Variants in COL15A1 observed in about 807,000 individuals in gnomAD.
COL15A1 encodes collagen type XV alpha 1 chain.
A neutral mutation model predicts 165.9 loss-of-function variants in COL15A1; 111 were observed. The ratio of observed to expected loss-of-function variants is 0.67; its 90% CI spans 0.57 to 0.78. The LOEUF (loss-of-function observed/expected upper bound fraction) is 0.78. Ranked by LOEUF, COL15A1 falls within the 30% of genes least tolerant of loss-of-function variation. COL15A1 has a pLI of 0.00. For missense variants in COL15A1, 1,745 were observed against 1,789.7 expected (o/e 0.98, Z 0.45); for synonymous variants, 659 against 674.8 (o/e 0.98, Z 0.36).
At chr9:99,021,736 G>A (rs1485909172) in intron 12 of COL15A1, among the ~76,000 whole-genome samples, 2 of 152,180 alleles carry the variant, frequency 1.3e-5, no homozygotes, top group East Asian at 1.9e-4. Flanking sequence ...GGTGGGCAGG[G>A]CAGGCTTCAG....
At position 98,989,808 on chromosome 9, in the gene COL15A1, G is replaced by A. The variant is rs550305595; in HGVS notation, c.804+550G>A. The stretch of plus-strand genomic sequence containing the variant: ...GTCCTCCAGGGAGCTCACTTCTGAC[G>A]CATGGGAAAGGCAATCCTAACTTCC... On this transcript the variant is annotated intron_variant, in intron 5 of 41. Coordinates refer to ENST00000375001, the MANE Select transcript of COL15A1 (RefSeq NM_001855.5). Among the ~76,000 whole-genome samples, 148 of 152,298 alleles carry A rather than the reference G, an allele frequency of 9.7e-4. 5 individuals are homozygous for A. The South Asian group carries it at 0.028, about 29-fold the overall frequency.
chr9:99,054,580 TA>T lies in COL15A1; in HGVS notation c.2958del (p.Gly987GlufsTer30), dbSNP rs781731603. ...CATGTATGTGTTTGGTGGCAGGTGT[TA>T]AAGGAGAGAAAGGATCCTGGGGTCT... ...SPELITFHGV[K>X]GEKGSWGLPG... On this transcript the variant is annotated frameshift_variant, in exon 32 of 42. Transcript: ENST00000375001. LOFTEE classifies it high-confidence loss of function. 1.2e-6 allele frequency: 2 copies of T among 1,610,860 alleles called. No individual in the cohort carries two copies. Among genetic ancestry groups the T allele is most frequent in the South Asian group, 2.2e-5 (2 of 90,510 alleles).
intron 16 of COL15A1, among the ~76,000 whole-genome samples, chr9:99,030,974 G>T (rs1006551175): frequency 6.6e-6 from 1 of 152,226 alleles, no homozygotes; most frequent in Non-Finnish European, 1.5e-5. Flanking sequence ...TCCACTGCAG[G>T]TGGAAGGTCA....
chr9:99,035,453 G>T (rs765839167), intron 19 of COL15A1, 35 bp downstream of exon 19: 1 of 1,611,794 alleles, frequency 6.2e-7, no homozygotes. Flanking sequence ...TATGAGGGTT[G>T]TCACACTGTC....
chr9:99,007,105 A>G (rs1838776056), intron 9 of COL15A1, among the ~76,000 whole-genome samples: 1 of 152,218 alleles, frequency 6.6e-6, no homozygotes, highest in Non-Finnish European at 1.5e-5. Context: ...GGGGGCTTCC[A>G]TGTCATAGGT....
chr9:99,024,320 G>A (rs1389340045), intron 14 of COL15A1, among the ~76,000 whole-genome samples: 10 of 128,446 alleles, frequency 7.8e-5, no homozygotes, highest in Non-Finnish European at 6.5e-5. Context: ...TTGCTCTGTC[G>A]CCCAGGCTGG....
intron 7 of COL15A1, among the ~76,000 whole-genome samples, chr9:99,002,715 T>G (rs558908741): frequency 8.1e-4 from 123 of 152,340 alleles, no homozygotes; most frequent in Non-Finnish European, 1.4e-3. Context: ...TTAATATATT[T>G]TATGAAAAAG....
intron 9 of COL15A1, 120 bp downstream of exon 9, chr9:99,005,170 C>A: frequency 9.7e-7 from 1 of 1,032,318 alleles, no homozygotes; most frequent in Non-Finnish European, 1.4e-6. Context: ...GATCTCTGAC[C>A]AAATACTCAC....
intron 16 of COL15A1, among the ~76,000 whole-genome samples, chr9:99,030,258 T>G (rs1226945054): frequency 6.6e-6 from 1 of 152,230 alleles, no homozygotes; most frequent in Non-Finnish European, 1.5e-5. Context: ...ACCTTCATAT[T>G]TCATCACTTT....
chr9:99,024,860 CT>C lies in COL15A1; in HGVS notation c.1855-11del, dbSNP rs756349341. 1.2e-6 allele frequency: 2 copies of C among 1,610,516 alleles called. No individual in the cohort carries two copies. The highest frequency in any genetic ancestry group is 4.5e-5 in the East Asian group (2 of 44,858). ...ATTCCCCCACTGTTTCTAACAGAGT[CT>C]TTGTGTTTTTAGGGTCCTCCAGGAC... On this transcript the variant is annotated splice_polypyrimidine_tract_variant and intron_variant, in intron 14 of 41. Transcript: ENST00000375001.
At chr9:99,067,112 G>A (rs773903818) in intron 40 of COL15A1, 45 bp downstream of exon 40, 39 of 1,531,646 alleles carry the variant, frequency 2.5e-5, no homozygotes, top group Admixed American at 1.0e-4. Flanking sequence ...TGCATTGGTC[G>A]CTACAGGGCC....
intron 2 of COL15A1, among the ~76,000 whole-genome samples, chr9:98,978,606 A>T (rs979563706): frequency 1.3e-5 from 2 of 152,102 alleles, no homozygotes; most frequent in Non-Finnish European, 2.9e-5. Context: ...TCTCAGTGGG[A>T]TGTGTGGTTT....
intron 15 of COL15A1, among the ~76,000 whole-genome samples, chr9:99,025,367 T>G (rs1392836397): frequency 6.6e-6 from 1 of 152,204 alleles, no homozygotes; most frequent in Non-Finnish European, 1.5e-5. Flanking sequence ...TTCAACACTT[T>G]ATTATAAAAT....
chr9:99,069,591 T>G, intron 41 of COL15A1, 82 bp from the exon 42 acceptor site: 1 of 1,534,130 alleles, frequency 6.5e-7, no homozygotes, highest in Non-Finnish European at 8.9e-7. Flanking sequence ...CTTGATTCAT[T>G]AGACTTATGC....
intron 11 of COL15A1, among the ~76,000 whole-genome samples, chr9:99,016,655 A>G (rs571344259): frequency 6.6e-6 from 1 of 152,380 alleles, no homozygotes; most frequent in South Asian, 2.1e-4. Flanking sequence ...ACCCACACCT[A>G]GGGTTGTCAC....
chr9:98,955,267 C>T (rs1015267645), intron 2 of COL15A1, among the ~76,000 whole-genome samples: 3 of 152,204 alleles, frequency 2.0e-5, no homozygotes, highest in African/African-American at 7.2e-5. Context: ...TCCTTGTCTT[C>T]CTTATCTGTA....
chr9:99,009,988 T>G (rs1838824278), intron 9 of COL15A1, among the ~76,000 whole-genome samples: 1 of 152,228 alleles, frequency 6.6e-6, no homozygotes, highest in Admixed American at 6.5e-5. Context: ...ATAGAGAAAC[T>G]AAACTTATTT....
intron 5 of COL15A1, among the ~76,000 whole-genome samples, chr9:98,993,305 TGCTGGACTCAGCACCGG>T (rs1325166563): frequency 6.6e-6 from 1 of 152,194 alleles, no homozygotes; most frequent in Non-Finnish European, 1.5e-5. Context: ...AGCAGCTCAG[TGCTGGACTCAGCACCGG>T]GCATAGTACA....
intron 11 of COL15A1, among the ~76,000 whole-genome samples, chr9:99,018,913 A>G (rs1564059661): frequency 6.6e-6 from 1 of 152,202 alleles, no homozygotes; most frequent in Non-Finnish European, 1.5e-5. Context: ...GTGGTTTAAT[A>G]CATTTTCTAC....
Sources: gnomAD v4.1 joint callset for allele counts (sites outside exome capture counted in the v4.1 genomes callset) on GRCh38, gnomAD v4.1.1 for gene constraint, MANE v1.5 for transcripts, NCBI Gene and HGNC (gene_info 2026-07-23, HGNC 2026-07-21) for gene names.